Variants in NPLOC4 observed in about 807,000 individuals in gnomAD.
NPLOC4 encodes nuclear protein localization protein 4 homolog.
In NPLOC4, 18 loss-of-function variants were observed where a neutral mutation model predicts 80.6. The ratio of observed to expected loss-of-function variants is 0.22; its 90% CI spans 0.15 to 0.33. The LOEUF is 0.33. Ranked by LOEUF, NPLOC4 falls within the 10% of genes least tolerant of loss-of-function variation. The pLI is 1.00. For synonymous variants in NPLOC4, 313 were observed against 301.5 expected (o/e 1.04, Z -0.39); for missense variants, 540 against 786.1 (o/e 0.69, Z 3.74).
intron 12 of NPLOC4, among the ~76,000 whole-genome samples, chr17:81,574,366 G>C (rs761458657): frequency 1.2e-4 from 18 of 152,100 alleles, no homozygotes; most frequent in Non-Finnish European, 1.9e-4. Context: ...TAAAGGTGTT[G>C]TATCCCCCTT....
chr17:81,579,603 T>C (rs924798465), intron 12 of NPLOC4, among the ~76,000 whole-genome samples: 2 of 152,014 alleles, frequency 1.3e-5, no homozygotes, highest in African/African-American at 4.8e-5. Flanking sequence ...CACCCACCTC[T>C]GCCTCCCATC....
rs1451586184 is a variant in NPLOC4 at position 81,577,478 on chromosome 17, C to G, written c.1282-5390G>C. 6.6e-6 allele frequency among the ~76,000 whole-genome samples: 1 copy of G among 151,746 alleles called. No homozygotes were observed. The highest frequency in any genetic ancestry group is 2.4e-5 in the African/African-American group (1 of 41,266). On this transcript the variant is annotated intron_variant, in intron 12 of 16. Coordinates refer to ENST00000331134, the MANE Select transcript of NPLOC4 (RefSeq NM_017921.4). This position sits in a 1 kb window ranked among gnomAD's most constrained non-coding sequence, Gnocchi z 4.3. ...GCCCTCTTCTTTTCTCCCTCTGAAC[C>G]ACAGCTTGGCTCATCTACTTCCGGG...
In NPLOC4 at chr17:81,572,163, C is replaced by A; in HGVS notation, c.1282-75G>T. 2.7e-6 allele frequency: 2 copies of A among 730,322 alleles called. No individual in the cohort carries two copies. Among genetic ancestry groups the A allele is most frequent in the Non-Finnish European group, 4.2e-6 (2 of 478,220 alleles). 45.2% of individuals were successfully genotyped at this position (730,322 alleles called of 1,614,324 possible). A position where few individuals can be genotyped will look rare whatever the true frequency, so the allele number is the denominator to read the frequency against. The stretch of plus-strand genomic sequence containing the variant: ...TGATTTTCCTTTCACATGCTTGTCT[C>A]ACCTTTTATTTAATTAATTAATTTA... On this transcript the variant is annotated intron_variant, in intron 12 of 16. Coordinates refer to ENST00000331134, the MANE Select transcript of NPLOC4 (RefSeq NM_017921.4). The surrounding 1 kb of genome is among the most constrained non-coding windows in gnomAD (Gnocchi z 4.5).
intron 2 of NPLOC4, 59 bp from the exon 3 acceptor site, chr17:81,622,337 C>A: frequency 1.7e-6 from 2 of 1,154,972 alleles, no homozygotes; most frequent in Non-Finnish European, 2.6e-6. Context: ...ACTACACATA[C>A]CATACACACC....
chr17:81,592,841 G>A (rs1055884766), intron 11 of NPLOC4, among the ~76,000 whole-genome samples: 11 of 152,132 alleles, frequency 7.2e-5, no homozygotes, highest in African/African-American at 2.7e-4. Context: ...AAAATTGGCC[G>A]GGTGTGTTGG....
chr17:81,619,245 C>T (rs544435373), intron 3 of NPLOC4, among the ~76,000 whole-genome samples: 1 of 150,272 alleles, frequency 6.7e-6, no homozygotes, highest in Admixed American at 6.6e-5. Flanking sequence ...GGCATGTTGG[C>T]GGGCGCCTGT....
intron 12 of NPLOC4, among the ~76,000 whole-genome samples, chr17:81,585,016 A>G (rs1424334535): frequency 6.6e-6 from 1 of 151,798 alleles, no homozygotes; most frequent in Non-Finnish European, 1.5e-5. Flanking sequence ...CTAAAATACA[A>G]AAAATCAGCC....
At chr17:81,593,220 C>T (rs1239181665) in intron 11 of NPLOC4, among the ~76,000 whole-genome samples, 1 of 151,982 alleles carries the variant, frequency 6.6e-6, no homozygotes, top group Non-Finnish European at 1.5e-5. Flanking sequence ...TTCTCTGGGA[C>T]TACAATAGTG....
Position 81,610,278 on chromosome 17 carries a change from GA to G in NPLOC4, c.387-21del, listed in dbSNP as rs1231725315. The G allele has an allele frequency of 2.6e-6, 4 of 1,562,596 alleles. No individual in the cohort carries two copies. Among genetic ancestry groups the G allele is most frequent in the Admixed American group, 1.9e-5 (1 of 52,042 alleles). ...CGGCATCTGAGGAGAGTACAAGGCA[GA>G]AAAAGGCAGAGCAGTGAGGATGTCT... On this transcript the variant is annotated intron_variant, in intron 4 of 16. Coordinates refer to ENST00000331134, the MANE Select transcript of NPLOC4 (RefSeq NM_017921.4).
At chr17:81,607,996 C>T (rs983030958) in intron 6 of NPLOC4, among the ~76,000 whole-genome samples, 3 of 152,152 alleles carry the variant, frequency 2.0e-5, no homozygotes, top group African/African-American at 7.2e-5. Flanking sequence ...TACAGAGAGC[C>T]AACAGGAGAA....
rs373277639 is a variant in NPLOC4, at chr17:81,596,138, C to T, written c.1098G>A (p.Lys366=). The change falls in exon 11 of 17, where the codon AAG becomes AAA. Residue 366 remains lysine, a synonymous_variant. Transcript: ENST00000331134. The stretch of plus-strand genomic sequence containing the variant: ...TACCTGTAGCCACTGCAGTAACAAA[C>T]TTGGATCCAAAATGTCCGTCTGGAG... The part of the protein sequence containing the change: ...RLSPDGHFGS[K]FVTAVATGGP... 2.1e-4 allele frequency: 334 copies of T among 1,613,926 alleles called. No individual in the cohort carries two copies. The African/African-American group carries it at 4.1e-3, about 20-fold the overall frequency.
At chr17:81,621,149 A>C (rs545567768) in intron 3 of NPLOC4, among the ~76,000 whole-genome samples, 1 of 152,262 alleles carries the variant, frequency 6.6e-6, no homozygotes, top group African/African-American at 2.4e-5. Context: ...AAAAAAGAAA[A>C]ATATCAAGAT....
chr17:81,573,056 T>C (rs2034203633), intron 12 of NPLOC4, among the ~76,000 whole-genome samples: 1 of 152,214 alleles, frequency 6.6e-6, no homozygotes, highest in Non-Finnish European at 1.5e-5. Context: ...ATCTGATTTA[T>C]GTCAAACATG....
At chr17:81,587,327 T>C (rs2034608734) in intron 12 of NPLOC4, among the ~76,000 whole-genome samples, 1 of 152,056 alleles carries the variant, frequency 6.6e-6, no homozygotes, top group African/African-American at 2.4e-5. Flanking sequence ...TTATTTTTTA[T>C]TTTTTTGAGA....
rs779280652 is a variant in NPLOC4, at chr17:81,622,223, T to C, written c.152A>G (p.Asn51Ser). The C allele has an allele frequency of 6.2e-7, 1 of 1,613,976 alleles. No homozygotes were observed. ...NNGFSVYINRNKTGEITASSN... is the reference protein window; with the variant it reads ...NNGFSVYINRSKTGEITASSN... ...GGAGGCTGTTATCTCTCCGGTCTTG[T>C]TTCTATTGATGTAAACCGAGAAGCC... Residue 51 changes from asparagine to serine, a missense_variant, in exon 3 of 17, where the codon AAC (asparagine) becomes AGC (serine). Physicochemically the swap from Asn to Ser is conservative, Grantham distance 46. Transcript: ENST00000331134.
chr17:81,602,932 C>T (rs567224730), intron 8 of NPLOC4, among the ~76,000 whole-genome samples: 13,502 of 143,152 alleles, frequency 0.094, 684 homozygotes, highest in Middle Eastern at 0.16. Flanking sequence ...TACACACACA[C>T]ATATATATAT....
At chr17:81,579,820 C>T (rs1289380435) in intron 12 of NPLOC4, among the ~76,000 whole-genome samples, 1 of 152,150 alleles carries the variant, frequency 6.6e-6, no homozygotes, top group East Asian at 1.9e-4. Flanking sequence ...CCTTTGCTCT[C>T]CCTGGCAGTG....
intron 12 of NPLOC4, among the ~76,000 whole-genome samples, chr17:81,588,465 G>C (rs575757376): frequency 1.3e-5 from 2 of 152,280 alleles, no homozygotes; most frequent in East Asian, 3.9e-4. Context: ...AGACTCAGGT[G>C]ATCCTCCTAC....
intron 4 of NPLOC4, 79 bp downstream of exon 4, chr17:81,613,239 G>A: frequency 2.4e-6 from 3 of 1,273,698 alleles, no homozygotes; most frequent in African/African-American, 3.0e-5. Flanking sequence ...ATTAAAACAA[G>A]ACATGTTATA....
Sources: allele counts gnomAD v4.1 joint callset (sites outside exome capture counted in the v4.1 genomes callset), GRCh38; gene constraint gnomAD v4.1.1; non-coding constraint Gnocchi (gnomAD v3.1); transcripts MANE v1.5; gene names NCBI Gene and HGNC (gene_info 2026-07-23, HGNC 2026-07-21).